The following RAB11B variants were observed in gnomAD, a reference collection of about 807,000 sequenced individuals.
The protein encoded by RAB11B is RAB11B, member RAS oncogene family.
In RAB11B, 7 loss-of-function variants were observed where a neutral mutation model predicts 23.7. The ratio of observed to expected loss-of-function variants is 0.29; its 90% CI spans 0.17 to 0.55. The LOEUF (loss-of-function observed/expected upper bound fraction) is 0.55, where lower values mean the gene tolerates loss of function less well. Ranked by LOEUF, RAB11B falls within the 20% of genes least tolerant of loss-of-function variation. RAB11B has a pLI of 0.93. For synonymous variants in RAB11B, 138 were observed against 132.0 expected (o/e 1.05, Z -0.31); for missense variants, 189 against 320.0 (o/e 0.59, Z 3.12).
At position 8,404,166 on chromosome 19, in the gene RAB11B, C is replaced by T; in HGVS notation, c.*608C>T. 1 of 152,316 alleles carries T rather than the reference C, an allele frequency of 6.6e-6. No individual in the cohort carries two copies. The highest frequency in any genetic ancestry group is 1.9e-4 in the East Asian group (1 of 5,150). 9.4% of individuals were successfully genotyped at this position (152,316 alleles called of 1,614,324 possible). ...GCACGCAACGCGCCCTCTCGGCCCT[C>T]CCTGTCCCCCTCCTCTGTCTCGTCT... On this transcript the variant is annotated 3_prime_UTR_variant, in exon 5 of 5. Coordinates refer to ENST00000328024, the MANE Select transcript of RAB11B (RefSeq NM_004218.4).
chr19:8,394,800 C>T (rs1018153075), intron 1 of RAB11B, among the ~76,000 whole-genome samples: 1 of 152,200 alleles, frequency 6.6e-6, no homozygotes. Flanking sequence ...CGTCGTGGTG[C>T]ACGCCTATAA....
intron 4 of RAB11B, among the ~76,000 whole-genome samples, chr19:8,403,119 C>G (rs1398573683): frequency 6.6e-6 from 1 of 152,210 alleles, no homozygotes; most frequent in Non-Finnish European, 1.5e-5. Context: ...CCTGCCTTAA[C>G]TCTTGGCGCT....
At chr19:8,392,379 G>T (rs1475994791) in intron 1 of RAB11B, among the ~76,000 whole-genome samples, 5 of 152,100 alleles carry the variant, frequency 3.3e-5, no homozygotes, top group Admixed American at 3.3e-4. Flanking sequence ...GTGGTTCCCG[G>T]GACTTGTCTG....
intron 1 of RAB11B, among the ~76,000 whole-genome samples, chr19:8,395,605 C>T (rs1971390954): frequency 6.6e-6 from 1 of 152,158 alleles, no homozygotes; most frequent in South Asian, 2.1e-4. Flanking sequence ...GTGCGGGGCA[C>T]CCATGGTGAC....
At chr19:8,393,493 C>T (rs893750684) in intron 1 of RAB11B, among the ~76,000 whole-genome samples, 3 of 152,192 alleles carry the variant, frequency 2.0e-5, no homozygotes, top group African/African-American at 7.2e-5. Flanking sequence ...CTGGTGCTTC[C>T]CTTTCTGTGC....
rs752531404 is a variant in RAB11B, at chr19:8,403,586, C to G, written c.*28C>G. 16 of 1,593,440 alleles carry G rather than the reference C, an allele frequency of 1.0e-5. No homozygotes were observed. Among genetic ancestry groups the G allele is most frequent in the African/African-American group, 1.3e-5 (1 of 74,688 alleles). ...CCTGCGCCTCCACCCAGCGTGCGTG[C>G]ACGTCCTCCGCCCGCCCCCGCCACG... On this transcript the variant is annotated 3_prime_UTR_variant, in exon 5 of 5. Transcript: ENST00000328024.
At position 8,399,867 on chromosome 19, in the gene RAB11B, G is replaced by A; in HGVS notation, c.45G>A (p.Val15=). 6.2e-7 allele frequency: 1 copy of A among 1,613,536 alleles called. No homozygotes were observed. Among genetic ancestry groups the A allele is most frequent in the Non-Finnish European group, 8.5e-7 (1 of 1,179,478 alleles). ...DDEYDYLFKV[V]LIGDSGVGKS... The stretch of plus-strand genomic sequence containing the variant: ...GAACCTCGCCTTCCCGCCCAGTGGT[G>A]CTCATCGGGGACTCAGGCGTGGGCA... Residue 15 remains valine (V), a synonymous_variant, in exon 2 of 5, where the codon GTG becomes GTA. Transcript: ENST00000328024.
rs1200410139 is a variant in RAB11B, at chr19:8,403,654, G to T, written c.*96G>T. The T allele has an allele frequency of 2.7e-5, 41 of 1,496,304 alleles. No homozygotes were observed. The highest frequency in any genetic ancestry group is 3.7e-5 in the Non-Finnish European group (41 of 1,113,578). 92.7% of individuals were successfully genotyped at this position (1,496,304 alleles called of 1,614,324 possible). On this transcript the variant is annotated 3_prime_UTR_variant, in exon 5 of 5. Coordinates refer to ENST00000328024, the MANE Select transcript of RAB11B (RefSeq NM_004218.4). Reference sequence around the variant, plus strand: ...CCTGCTGTCCCTCTGTGGCCGGCTCGTTCCAGCCCTCCCAGTGAGCTCTGC... The same window carrying T: ...CCTGCTGTCCCTCTGTGGCCGGCTCTTTCCAGCCCTCCCAGTGAGCTCTGC...
intron 1 of RAB11B, among the ~76,000 whole-genome samples, chr19:8,393,194 C>T (rs1274482048): frequency 6.6e-6 from 1 of 152,210 alleles, no homozygotes; most frequent in Admixed American, 6.5e-5. Context: ...TCTCCTTTAG[C>T]CATGGGCCAT....
chr19:8,397,629 G>A (rs1184240461), intron 1 of RAB11B, among the ~76,000 whole-genome samples: 3 of 152,096 alleles, frequency 2.0e-5, no homozygotes, highest in Non-Finnish European at 4.4e-5. Flanking sequence ...GCAGGAAGTT[G>A]GGTCAGGAGA....
chr19:8,403,601 C>T lies in RAB11B; in HGVS notation c.*43C>T, dbSNP rs2241588. 273,068 of 1,575,234 alleles carry T rather than the reference C, an allele frequency of 0.17. 28,957 individuals are homozygous for T. The highest frequency in any genetic ancestry group is 0.58 in the East Asian group (25,354 of 44,056). ...AGCGTGCGTGCACGTCCTCCGCCCG[C>T]CCCCGCCACGGTATCCTCTGGCCCC... On this transcript the variant is annotated 3_prime_UTR_variant, in exon 5 of 5. Transcript: ENST00000328024.
intron 2 of RAB11B, 65 bp downstream of exon 2, chr19:8,400,123 T>G: frequency 6.4e-7 from 1 of 1,555,590 alleles, no homozygotes; most frequent in Non-Finnish European, 8.8e-7. Context: ...GCGCGTGGGC[T>G]TGGAAGGATG....
intron 1 of RAB11B, among the ~76,000 whole-genome samples, chr19:8,394,064 T>C (rs548963640): frequency 3.3e-5 from 5 of 152,256 alleles, no homozygotes; most frequent in Non-Finnish European, 5.9e-5. Flanking sequence ...TCCTAGACAA[T>C]GAAGTTTTCA....
chr19:8,403,646 G>T lies in RAB11B; in HGVS notation c.*88G>T. On this transcript the variant is annotated 3_prime_UTR_variant, in exon 5 of 5. Transcript: ENST00000328024. The stretch of plus-strand genomic sequence containing the variant: ...GGCCCCTCCCTGCTGTCCCTCTGTG[G>T]CCGGCTCGTTCCAGCCCTCCCAGTG... 6.6e-7 allele frequency: 1 copy of T among 1,515,466 alleles called. No homozygotes were observed. Among genetic ancestry groups the T allele is most frequent in the Non-Finnish European group, 8.9e-7 (1 of 1,126,904 alleles). The allele number at this position is 1,515,466 out of a possible 1,614,324, so 93.9% of individuals were successfully genotyped here. A position where few individuals can be genotyped will look rare whatever the true frequency, so the allele number is the denominator to read the frequency against.
intron 1 of RAB11B, among the ~76,000 whole-genome samples, chr19:8,397,451 A>C (rs1326131961): frequency 6.6e-6 from 1 of 151,994 alleles, no homozygotes; most frequent in Non-Finnish European, 1.5e-5. Flanking sequence ...CCCTGCAGGC[A>C]GGGAAGGAGG....
chr19:8,391,331 T>G (rs148532302), intron 1 of RAB11B, among the ~76,000 whole-genome samples: 63 of 152,274 alleles, frequency 4.1e-4, no homozygotes, highest in African/African-American at 1.5e-3. Context: ...AGGGGGCTTG[T>G]GGCCAGCATC....
At chr19:8,397,823 C>T (rs1383537237) in intron 1 of RAB11B, among the ~76,000 whole-genome samples, 4 of 151,944 alleles carry the variant, frequency 2.6e-5, no homozygotes, top group African/African-American at 7.3e-5. Flanking sequence ...AGCACCTCCC[C>T]GAGCTCAGGA....
At chr19:8,397,168 C>T (rs923397373) in intron 1 of RAB11B, among the ~76,000 whole-genome samples, 5 of 152,090 alleles carry the variant, frequency 3.3e-5, no homozygotes, top group Admixed American at 6.5e-5. Flanking sequence ...AGGGAGTGAT[C>T]GGGAGCTTGG....
At position 8,400,195 on chromosome 19, in the gene RAB11B, G is replaced by A. The variant is rs548690664; in HGVS notation, c.236+137G>A. ...CCAAGACCAGGGAGTGAGGCTGGAAGAACGCTTTAGCCATGCGCCGTGGGA... is the reference window on the plus strand; with the variant it reads ...CCAAGACCAGGGAGTGAGGCTGGAAAAACGCTTTAGCCATGCGCCGTGGGA... On this transcript the variant is annotated intron_variant, in intron 2 of 4. Transcript: ENST00000328024. The A allele has an allele frequency of 8.5e-5, 96 of 1,128,496 alleles. 1 individual carries two copies. The African/African-American group carries it at 1.4e-3, about 16-fold the overall frequency. The allele number at this position is 1,128,496 out of a possible 1,614,324, so 69.9% of individuals were successfully genotyped here.
Sources: allele counts gnomAD v4.1 joint callset (sites outside exome capture counted in the v4.1 genomes callset), GRCh38; gene constraint gnomAD v4.1.1; transcripts MANE v1.5; gene names NCBI Gene and HGNC (gene_info 2026-07-23, HGNC 2026-07-21).